CLDN14: variants seen among roughly 807,000 people sequenced by gnomAD.
The protein encoded by CLDN14 is claudin 14, also known as claudin-14.
Under a neutral mutation model 2.1 loss-of-function variants are expected in CLDN14, and 2 were observed. That is an observed-to-expected ratio of 0.96 (90% CI 0.39 to 3.01). The LOEUF (loss-of-function observed/expected upper bound fraction) is 3.01. Among genes scored for constraint, CLDN14 ranks in the 30% most tolerant of loss-of-function variants. The probability of loss-of-function intolerance (pLI) is 0.09; values close to 1 mark genes in which losing one functional copy is unlikely to be tolerated. For synonymous variants in CLDN14, 136 were observed against 154.4 expected (o/e 0.88, Z 0.88); for missense variants, 298 against 328.0 (o/e 0.91, Z 0.71).
chr21:36,516,281 A>G (rs2087228500), intron 1 of CLDN14, among the ~76,000 whole-genome samples: 1 of 152,202 alleles, frequency 6.6e-6, no homozygotes, highest in South Asian at 2.1e-4. Context: ...CCCTTATCAC[A>G]GCCAAAAGAG....
chr21:36,460,845 G>A lies in CLDN14; in HGVS notation c.*131C>T, dbSNP rs1446385073. 2.7e-5 allele frequency: 28 copies of A among 1,054,570 alleles called. No individual in the cohort carries two copies. The highest frequency in any genetic ancestry group is 8.4e-5 in the Admixed American group (4 of 47,710). 65.3% of individuals were successfully genotyped at this position (1,054,570 alleles called of 1,614,324 possible). On this transcript the variant is annotated 3_prime_UTR_variant, in exon 2 of 2. Transcript: ENST00000399135. This position sits in a 1 kb window ranked among gnomAD's most constrained non-coding sequence, Gnocchi z 4.0. Reference sequence around the variant, plus strand: ...CCCTGTGCTCTAAAGACATTTCCTCGCATTCACATTATTTCCTTGGATACA... The same window carrying A: ...CCCTGTGCTCTAAAGACATTTCCTCACATTCACATTATTTCCTTGGATACA...
At chr21:36,500,214 T>C (rs962964482) in intron 2 of CLDN14, among the ~76,000 whole-genome samples, 2 of 151,954 alleles carry the variant, frequency 1.3e-5, no homozygotes, top group Non-Finnish European at 2.9e-5. Flanking sequence ...AAGTGAAACA[T>C]TGGGAGGGCT....
At chr21:36,523,827 GAAAGAA>G (rs1179950468) in intron 1 of CLDN14, among the ~76,000 whole-genome samples, 2 of 145,354 alleles carry the variant, frequency 1.4e-5, no homozygotes, top group African/African-American at 5.3e-5. Flanking sequence ...AAGAAAGAAA[GAAAGAA>G]AGAAAGAAAG....
intron 1 of CLDN14, among the ~76,000 whole-genome samples, chr21:36,474,864 G>T (rs929272533): frequency 6.6e-6 from 1 of 152,214 alleles, no homozygotes; most frequent in Non-Finnish European, 1.5e-5. Context: ...CAGAACGGGA[G>T]GGGAGGCGGG....
intron 2 of CLDN14, among the ~76,000 whole-genome samples, chr21:36,503,862 A>G (rs1033907687): frequency 3.3e-5 from 5 of 152,074 alleles, no homozygotes; most frequent in Admixed American, 6.6e-5. Context: ...TTCCAGGTAT[A>G]AGTAGATGCT....
rs2087058516 is a variant in CLDN14 at position 36,498,325 on chromosome 21, A to G, written c.-82+12038T>C. On this transcript the variant is annotated intron_variant, in intron 2 of 2. Transcript: ENST00000342108. This position sits in a 1 kb window ranked among gnomAD's most constrained non-coding sequence, Gnocchi z 4.9. ...CAGGAAGATGCGTTTGTGAGCCGGG[A>G]CAATTGTGAGTGGAAAGAGAAGAAA... 6.6e-6 allele frequency among the ~76,000 whole-genome samples: 1 copy of G among 152,106 alleles called. No homozygotes were observed. The highest frequency in any genetic ancestry group is 6.5e-5 in the Admixed American group (1 of 15,270).
chr21:36,546,971 C>A (rs2087530044), intron 1 of CLDN14, among the ~76,000 whole-genome samples: 1 of 152,182 alleles, frequency 6.6e-6, no homozygotes. Flanking sequence ...CTCTTGGCAT[C>A]TAGTGGGTAG....
intron 1 of CLDN14, among the ~76,000 whole-genome samples, chr21:36,470,962 C>G (rs910675752): frequency 6.6e-6 from 1 of 152,176 alleles, no homozygotes; most frequent in Non-Finnish European, 1.5e-5. Context: ...AGTGAGAGAG[C>G]AACATCGTAT....
chr21:36,574,686 T>A (rs1361381433), intron 1 of CLDN14, among the ~76,000 whole-genome samples: 1 of 152,236 alleles, frequency 6.6e-6, no homozygotes, highest in Non-Finnish European at 1.5e-5. Flanking sequence ...CCGGTAGCTG[T>A]GTATTTTATT....
At chr21:36,506,523 G>C (rs567518299) in intron 2 of CLDN14, among the ~76,000 whole-genome samples, 22 of 152,116 alleles carry the variant, frequency 1.4e-4, no homozygotes, top group Middle Eastern at 3.4e-3. Flanking sequence ...TTTGAACCGG[G>C]GGGGCGGAGG....
intron 1 of CLDN14, among the ~76,000 whole-genome samples, chr21:36,478,604 T>C (rs1193161297): frequency 6.6e-6 from 1 of 152,228 alleles, no homozygotes; most frequent in Non-Finnish European, 1.5e-5. Flanking sequence ...TGACAGCATC[T>C]TTTCACAGCA....
At chr21:36,469,830 C>T (rs1383214822) in intron 1 of CLDN14, among the ~76,000 whole-genome samples, 1 of 152,074 alleles carries the variant, frequency 6.6e-6, no homozygotes, top group Non-Finnish European at 1.5e-5. Flanking sequence ...ATTTAAAATG[C>T]AGTAGATCAA....
At chr21:36,487,186 T>C (rs2086907165) in intron 2 of CLDN14, 2 of 199,502 alleles carry the variant, frequency 1.0e-5, no homozygotes, top group Non-Finnish European at 2.0e-5. Context: ...GGTTTTACCA[T>C]GTTGGTCAGG....
chr21:36,477,552 G>C (rs2086793524), intron 1 of CLDN14: 2 of 152,122 alleles, frequency 1.3e-5, no homozygotes, highest in African/African-American at 4.8e-5. Flanking sequence ...ATGAGCATGT[G>C]CACTTCCAGG....
At chr21:36,507,568 A>C (rs1365867383) in intron 2 of CLDN14, among the ~76,000 whole-genome samples, 1 of 152,208 alleles carries the variant, frequency 6.6e-6, no homozygotes, top group Non-Finnish European at 1.5e-5. Flanking sequence ...GTTTGAGACC[A>C]GCCTGGCCAA....
intron 2 of CLDN14, chr21:36,486,221 T>A (rs2086893926): frequency 1.1e-6 from 1 of 910,238 alleles, no homozygotes; most frequent in Admixed American, 1.7e-5. Context: ...CTGGCCAAAC[T>A]CTGCTCCTGC....
At chr21:36,529,504 C>G (rs2087362820) in intron 1 of CLDN14, among the ~76,000 whole-genome samples, 2 of 152,080 alleles carry the variant, frequency 1.3e-5, no homozygotes, top group African/African-American at 4.8e-5. Context: ...GCCTCAAACT[C>G]CTGACCTCAA....
At chr21:36,512,805 G>A (rs572595031) in intron 1 of CLDN14, among the ~76,000 whole-genome samples, 1 of 152,220 alleles carries the variant, frequency 6.6e-6, no homozygotes, top group Non-Finnish European at 1.5e-5. Flanking sequence ...GGGGAGGGAA[G>A]TGAGACTGGG....
chr21:36,486,191 T>C, intron 2 of CLDN14: 1 of 1,041,840 alleles, frequency 9.6e-7, no homozygotes, highest in Non-Finnish European at 1.5e-6. Context: ...TGAGCTGGCA[T>C]CAATGTCTAC....
Sources: gnomAD v4.1 joint callset for allele counts (sites outside exome capture counted in the v4.1 genomes callset) on GRCh38, gnomAD v4.1.1 for gene constraint, Gnocchi (gnomAD v3.1) non-coding constraint, MANE v1.5 for transcripts, NCBI Gene and HGNC (gene_info 2026-07-23, HGNC 2026-07-21) for gene names.